The following SLC41A2 variants were observed in gnomAD, a reference collection of about 807,000 sequenced individuals.
SLC41A2 encodes SLC41A1-like 1.
SLC41A2 carries 32 observed loss-of-function variants against 58.3 expected under a neutral mutation model. That is an observed-to-expected ratio of 0.55 (90% CI 0.41 to 0.74). The LOEUF (loss-of-function observed/expected upper bound fraction) is 0.74. Ranked by LOEUF, SLC41A2 falls within the 30% of genes least tolerant of loss-of-function variation. The probability of loss-of-function intolerance (pLI) is 0.00; values close to 1 mark genes in which losing one functional copy is unlikely to be tolerated. For synonymous variants in SLC41A2, 190 were observed against 235.0 expected (o/e 0.81, Z 1.75); for missense variants, 514 against 680.6 (o/e 0.76, Z 2.72).
intron 6 of SLC41A2, among the ~76,000 whole-genome samples, chr12:104,877,786 C>T (rs201549545): frequency 6.6e-6 from 1 of 152,036 alleles, no homozygotes; most frequent in Admixed American, 6.6e-5. Context: ...ATTCCCTGAG[C>T]TCAGGAGTTT....
chr12:104,828,413 A>T (rs2041925751), intron 10 of SLC41A2, among the ~76,000 whole-genome samples: 1 of 152,254 alleles, frequency 6.6e-6, no homozygotes, highest in African/African-American at 2.4e-5. Flanking sequence ...CCCAGTATAC[A>T]GAAAGCCGTC....
At chr12:104,934,496 C>G (rs7960937) in intron 1 of SLC41A2, among the ~76,000 whole-genome samples, 14,744 of 148,146 alleles carry the variant, frequency 0.1, 1,142 homozygotes, top group East Asian at 0.27. Flanking sequence ...ACAAGACAGA[C>G]GTTTAGAGAA....
At chr12:104,937,073 G>A (rs2047313372) in intron 1 of SLC41A2, among the ~76,000 whole-genome samples, 1 of 152,170 alleles carries the variant, frequency 6.6e-6, no homozygotes, top group African/African-American at 2.4e-5. Flanking sequence ...ATTGTGCACT[G>A]CACCCCAGTG....
intron 10 of SLC41A2, among the ~76,000 whole-genome samples, chr12:104,808,043 T>TTAAA (rs1304303103): frequency 6.6e-6 from 1 of 152,226 alleles, no homozygotes; most frequent in Non-Finnish European, 1.5e-5. Flanking sequence ...TTTTCCTTAA[T>TTAAA]TAAATACCCT....
chr12:104,921,503 GAA>G (rs77935345), intron 2 of SLC41A2, among the ~76,000 whole-genome samples: 2 of 134,006 alleles, frequency 1.5e-5, no homozygotes, highest in Admixed American at 7.4e-5. Context: ...AATTTGAAAA[GAA>G]AAAAAAAAAA....
In SLC41A2 at chr12:104,878,299, T is replaced by TTATATATATATATATATA. The variant is rs55670022; in HGVS notation, c.1027+7976_1027+7993dup. On this transcript the variant is annotated intron_variant, in intron 6 of 10. Coordinates refer to ENST00000258538, the MANE Select transcript of SLC41A2 (RefSeq NM_001352171.3). ...AATCTGCAAATAATATACCTGTATT[T>TTATATATATATATATATA]TATATATATATATATATATATATAT... 9.9e-4 allele frequency among the ~76,000 whole-genome samples: 139 copies of TTATATATATATATATATA among 139,874 alleles called. 1 individual carries two copies. The highest frequency in any genetic ancestry group is 1.4e-3 in the South Asian group (6 of 4,216). The allele number at this position is 139,874 out of a possible 152,430, so 91.8% of individuals were successfully genotyped here.
At position 104,900,253 on chromosome 12, in the gene SLC41A2, C is replaced by T. The variant is rs142439328; in HGVS notation, c.664-4908G>A. Among the ~76,000 whole-genome samples, 1,237 of 152,208 alleles carry T rather than the reference C, an allele frequency of 8.1e-3. 10 individuals are homozygous for T. Among genetic ancestry groups the T allele is most frequent in the Non-Finnish European group, 0.013 (867 of 67,978 alleles). ...TTTTCATTGCCTTCAAATAGTTTTCCAGATTTTATAATTGTTAATCTCTGG... is the reference window on the plus strand; with the variant it reads ...TTTTCATTGCCTTCAAATAGTTTTCTAGATTTTATAATTGTTAATCTCTGG... On this transcript the variant is annotated intron_variant, in intron 3 of 10. Transcript: ENST00000258538.
At chr12:104,949,607 G>C (rs1253411209) in intron 1 of SLC41A2, among the ~76,000 whole-genome samples, 1 of 152,150 alleles carries the variant, frequency 6.6e-6, no homozygotes, top group African/African-American at 2.4e-5. Context: ...TTTTTAGACG[G>C]AGTTTCGCTC....
chr12:104,818,489 T>C (rs2041501374), intron 10 of SLC41A2, among the ~76,000 whole-genome samples: 1 of 152,080 alleles, frequency 6.6e-6, no homozygotes, highest in Non-Finnish European at 1.5e-5. Context: ...AGTTGGGAAA[T>C]ATGAAAATAG....
intron 2 of SLC41A2, among the ~76,000 whole-genome samples, chr12:104,920,786 T>TGCTAATTAGCTA (rs2046560820): frequency 6.6e-6 from 1 of 151,894 alleles, no homozygotes; most frequent in Non-Finnish European, 1.5e-5. Flanking sequence ...TAGCTAGGTG[T>TGCTAATTAGCTA]GGTGGCGGGC....
At chr12:104,852,668 G>A (rs2042845116) in intron 8 of SLC41A2, among the ~76,000 whole-genome samples, 1 of 152,034 alleles carries the variant, frequency 6.6e-6, no homozygotes. Flanking sequence ...ATGAGTGAGG[G>A]ACTTCAGAAA....
rs532044734 is a variant in SLC41A2 at position 104,866,896 on chromosome 12, A to G, written c.1028-317T>C. 7.2e-5 allele frequency among the ~76,000 whole-genome samples: 11 copies of G among 152,282 alleles called. No individual in the cohort carries two copies. The East Asian group carries it at 2.1e-3, about 29-fold the overall frequency. ...CTAACATTTATTGGGCTCCTACTAT[A>G]TACCAAGTACTATGCTAAATGCTTT... On this transcript the variant is annotated intron_variant, in intron 6 of 10. Transcript: ENST00000258538.
At chr12:104,888,066 TA>T (rs1268247524) in intron 5 of SLC41A2, among the ~76,000 whole-genome samples, 1 of 151,950 alleles carries the variant, frequency 6.6e-6, no homozygotes, top group African/African-American at 2.4e-5. Flanking sequence ...CAAATGAGCC[TA>T]AAAAAATAGC....
chr12:104,858,804 A>T (rs1036048466), intron 8 of SLC41A2, among the ~76,000 whole-genome samples: 2 of 152,172 alleles, frequency 1.3e-5, no homozygotes, highest in Non-Finnish European at 2.9e-5. Flanking sequence ...AGGTTTACTT[A>T]CTGAGATACT....
chr12:104,864,737 T>G (rs1403560895), intron 7 of SLC41A2, among the ~76,000 whole-genome samples: 1 of 152,150 alleles, frequency 6.6e-6, no homozygotes, highest in African/African-American at 2.4e-5. Context: ...ATTTCTGCCA[T>G]TTATGTATTT....
chr12:104,950,292 T>C (rs1371623697), intron 1 of SLC41A2, among the ~76,000 whole-genome samples: 1 of 152,092 alleles, frequency 6.6e-6, no homozygotes, highest in Non-Finnish European at 1.5e-5. Context: ...GATCATGGGG[T>C]TGGATTCCCC....
chr12:104,932,070 G>A (rs1388845168), intron 1 of SLC41A2, among the ~76,000 whole-genome samples: 1 of 152,110 alleles, frequency 6.6e-6, no homozygotes. Flanking sequence ...CATGCATTGA[G>A]GAAAATGTGG....
chr12:104,942,130 T>C (rs2047533391), intron 1 of SLC41A2, among the ~76,000 whole-genome samples: 1 of 152,100 alleles, frequency 6.6e-6, no homozygotes, highest in Non-Finnish European at 1.5e-5. Flanking sequence ...CTTAAACATT[T>C]CTTACATGTA....
At chr12:104,879,511 T>C (rs2044248919) in intron 6 of SLC41A2, among the ~76,000 whole-genome samples, 1 of 152,252 alleles carries the variant, frequency 6.6e-6, no homozygotes, top group African/African-American at 2.4e-5. Context: ...GCTTTCTACA[T>C]ATGGCTAGCC....
Sources: allele counts gnomAD v4.1 joint callset (sites outside exome capture counted in the v4.1 genomes callset), GRCh38; gene constraint gnomAD v4.1.1; transcripts MANE v1.5; gene names NCBI Gene and HGNC (gene_info 2026-07-23, HGNC 2026-07-21).